SYN3: variants seen among roughly 807,000 people sequenced by gnomAD.
SYN3 encodes synapsin III, also known as synapsin-3.
A neutral mutation model predicts 65.8 loss-of-function variants in SYN3; 35 were observed. The observed-to-expected ratio is 0.53, with a 90% CI of 0.41 to 0.70. The LOEUF (loss-of-function observed/expected upper bound fraction) is 0.70, where lower values mean the gene tolerates loss of function less well. Ranked by LOEUF, SYN3 falls within the 30% of genes least tolerant of loss-of-function variation. SYN3 has a pLI of 0.00. For synonymous variants in SYN3, 270 were observed against 292.9 expected, an observed-to-expected ratio of 0.92 and a Z score of 0.80; for missense variants, 680 against 749.0, an observed-to-expected ratio of 0.91 and a Z score of 1.08.
At chr22:32,913,525 G>C (rs2050110261) in intron 4 of SYN3, among the ~76,000 whole-genome samples, 1 of 151,938 alleles carries the variant, frequency 6.6e-6, no homozygotes, top group Non-Finnish European at 1.5e-5. Context: ...GTAGAGAAGA[G>C]ATTGGGGGCA....
At chr22:32,539,530 G>A (rs937684245) in intron 8 of SYN3, among the ~76,000 whole-genome samples, 11 of 152,150 alleles carry the variant, frequency 7.2e-5, no homozygotes, top group Non-Finnish European at 1.5e-4. Flanking sequence ...ATACACACAT[G>A]TACTTCCTTA....
chr22:33,032,868 TC>T (rs2053779485), intron 1 of SYN3, among the ~76,000 whole-genome samples: 1 of 152,144 alleles, frequency 6.6e-6, no homozygotes, highest in African/African-American at 2.4e-5. Flanking sequence ...ATGTATACCT[TC>T]CATGTGTTGA....
intron 2 of SYN3, among the ~76,000 whole-genome samples, chr22:32,995,880 C>T (rs567546849): frequency 1.3e-5 from 2 of 152,232 alleles, no homozygotes; most frequent in Admixed American, 6.5e-5. Flanking sequence ...CCAGGATGGT[C>T]TCGATCTCCT....
chr22:33,021,312 T>A (rs2053555335), intron 1 of SYN3, among the ~76,000 whole-genome samples: 1 of 152,218 alleles, frequency 6.6e-6, no homozygotes, highest in Non-Finnish European at 1.5e-5. Context: ...GTTTATTTTT[T>A]AAGTTAACAT....
chr22:32,612,211 T>G (rs1164668473), intron 6 of SYN3, among the ~76,000 whole-genome samples: 2 of 152,220 alleles, frequency 1.3e-5, no homozygotes, highest in Admixed American at 6.5e-5. Context: ...CTGAATTATG[T>G]GAGCAGTTAT....
intron 6 of SYN3, among the ~76,000 whole-genome samples, chr22:32,741,235 ATAT>A (rs1001216838): frequency 1.8e-4 from 27 of 152,160 alleles, no homozygotes; most frequent in African/African-American, 6.5e-4. Context: ...ACACACAGTA[ATAT>A]TATTATCTTT....
intron 4 of SYN3, among the ~76,000 whole-genome samples, chr22:32,901,308 T>C (rs1601654717): frequency 6.6e-6 from 1 of 152,216 alleles, no homozygotes; most frequent in Non-Finnish European, 1.5e-5. Flanking sequence ...GGTTGTTGGG[T>C]GATACTTAAT....
At chr22:32,888,453 C>A (rs937060803) in intron 4 of SYN3, among the ~76,000 whole-genome samples, 1 of 152,152 alleles carries the variant, frequency 6.6e-6, no homozygotes, top group Non-Finnish European at 1.5e-5. Context: ...CACGTTACAT[C>A]CCCAACAGCA....
chr22:33,006,669 G>C lies in SYN3; in HGVS notation c.-7C>G. ...GTCGCCGGAGGAAATTCATGGCTGT[G>C]GATGGATGGAGATGACTGGCTCCTA... is the stretch of plus-strand genomic sequence containing the variant. On this transcript the variant is annotated 5_prime_UTR_variant, in exon 2 of 14. Transcript: ENST00000358763. The C allele has an allele frequency of 6.4e-7, 1 of 1,564,032 alleles. No individual in the cohort carries two copies. The highest frequency in any genetic ancestry group is 1.8e-5 in the Admixed American group (1 of 55,124).
Position 32,518,113 on chromosome 22 carries a change from C to T in SYN3, c.1540G>A (p.Val514Met). ...TGCTGGGAGGTACTACGGCCCTGCA[C>T]AGGGGGCCGGGGCTGTGAGGCGAGG... ...ATLASQPRPP[V>M]QGRSTSQQGE... The change falls in exon 13 of 14, where the codon GTG (valine) becomes ATG (methionine). Residue 514 changes from valine (V) to methionine (M), a missense_variant. Coordinates refer to ENST00000358763, the MANE Select transcript of SYN3 (RefSeq NM_003490.4). 6.3e-7 allele frequency: 1 copy of T among 1,590,994 alleles called. No individual in the cohort carries two copies. Among genetic ancestry groups the T allele is most frequent in the Non-Finnish European group, 8.6e-7 (1 of 1,168,830 alleles).
chr22:33,000,145 C>T (rs1010475823), intron 2 of SYN3, among the ~76,000 whole-genome samples: 1 of 152,034 alleles, frequency 6.6e-6, no homozygotes, highest in African/African-American at 2.4e-5. Flanking sequence ...GTGGGAGGAT[C>T]GCTTCAGCCC....
At chr22:32,657,854 C>T (rs2060163980) in intron 6 of SYN3, among the ~76,000 whole-genome samples, 2 of 152,226 alleles carry the variant, frequency 1.3e-5, no homozygotes, top group African/African-American at 4.8e-5. Context: ...AGAAGACCTT[C>T]ACCCTCTCTC....
chr22:32,897,452 G>A (rs2049626755), intron 4 of SYN3, among the ~76,000 whole-genome samples: 1 of 152,192 alleles, frequency 6.6e-6, no homozygotes, highest in South Asian at 2.1e-4. Flanking sequence ...ACACACAGAG[G>A]GGGTTCCCAG....
rs546986947 is a variant in SYN3 at position 32,756,060 on chromosome 22, G to A, written c.711+108855C>T. The stretch of plus-strand genomic sequence containing the variant: ...CACAGGGAGAGGAACATCACACACC[G>A]GGGCCTGTGGGGGTTGGGGGGCTTG... On this transcript the variant is annotated intron_variant, in intron 6 of 13. Transcript: ENST00000358763. Among the ~76,000 whole-genome samples, 89 of 151,942 alleles carry A rather than the reference G, an allele frequency of 5.9e-4. 1 individual carries two copies. Among genetic ancestry groups the A allele is most frequent in the African/African-American group, 1.7e-3 (71 of 41,402 alleles).
At chr22:32,969,654 C>T (rs1275588890) in intron 3 of SYN3, among the ~76,000 whole-genome samples, 2 of 152,154 alleles carry the variant, frequency 1.3e-5, no homozygotes, top group East Asian at 1.9e-4. Context: ...AATAATTTCA[C>T]GTGTGTGCTA....
chr22:32,858,320 G>A (rs975027359), intron 6 of SYN3, among the ~76,000 whole-genome samples: 30 of 152,208 alleles, frequency 2.0e-4, no homozygotes, highest in African/African-American at 6.8e-4. Flanking sequence ...GGGGCAGTGA[G>A]GAAGGCAGGG....
At chr22:32,867,782 C>A (rs1358640069) in intron 5 of SYN3, among the ~76,000 whole-genome samples, 1 of 152,164 alleles carries the variant, frequency 6.6e-6, no homozygotes, top group Non-Finnish European at 1.5e-5. Flanking sequence ...GGGGTTTCAC[C>A]ATGTTGGCCA....
At chr22:33,003,800 T>C (rs978631184) in intron 2 of SYN3, among the ~76,000 whole-genome samples, 3 of 152,322 alleles carry the variant, frequency 2.0e-5, no homozygotes, top group African/African-American at 7.2e-5. Flanking sequence ...AAAATGTCTC[T>C]AGGGCATGTC....
chr22:32,631,496 A>G (rs1430877254), intron 6 of SYN3, among the ~76,000 whole-genome samples: 3 of 152,194 alleles, frequency 2.0e-5, no homozygotes, highest in African/African-American at 4.8e-5. Flanking sequence ...AGAAGGAAAG[A>G]AAAATAAATT....
Sources: gnomAD v4.1 joint callset for allele counts (sites outside exome capture counted in the v4.1 genomes callset) on GRCh38, gnomAD v4.1.1 for gene constraint, MANE v1.5 for transcripts, NCBI Gene and HGNC (gene_info 2026-07-23, HGNC 2026-07-21) for gene names.